Variants in TMTC1 observed in about 807,000 individuals in gnomAD.
The protein encoded by TMTC1 is protein O-mannosyl-transferase TMTC1.
In TMTC1, 73 loss-of-function variants were observed where a neutral mutation model predicts 104.8. The observed-to-expected ratio is 0.70, with a 90% CI of 0.58 to 0.85. The LOEUF is 0.85. Among genes scored for constraint, TMTC1 ranks in the 40% least tolerant of loss-of-function variants. The probability of loss-of-function intolerance (pLI) is 0.00; values close to 1 mark genes in which losing one functional copy is unlikely to be tolerated. For missense variants in TMTC1, 1,035 were observed against 1,096.1 expected (o/e 0.94, Z 0.79); for synonymous variants, 434 against 428.7 (o/e 1.01, Z -0.15).
chr12:29,664,626 G>A (rs1164673704), intron 5 of TMTC1, among the ~76,000 whole-genome samples: 1 of 152,182 alleles, frequency 6.6e-6, no homozygotes, highest in Non-Finnish European at 1.5e-5. Flanking sequence ...ACTAATCTAA[G>A]TGATTTGAGT....
intron 5 of TMTC1, among the ~76,000 whole-genome samples, chr12:29,679,170 A>G (rs1940830295): frequency 6.6e-6 from 1 of 152,172 alleles, no homozygotes. Flanking sequence ...TATATTACTA[A>G]CAAAAAATAA....
chr12:29,685,931 A>T (rs1591924246), intron 5 of TMTC1, among the ~76,000 whole-genome samples: 2 of 81,354 alleles, frequency 2.5e-5, no homozygotes, highest in African/African-American at 5.3e-5. Flanking sequence ...CAAGATTGTT[A>T]AAAAAAAAAA....
Position 29,691,752 on chromosome 12 carries a change from A to G in TMTC1, c.939-58416T>C, listed in dbSNP as rs986087081. On this transcript the variant is annotated intron_variant, in intron 5 of 17. Transcript: ENST00000539277. ...AAAAAAAAAAAACCTACTTCCCACA[A>G]TGGTGTACTGGAGGTCTGAGAGAGG... Among the ~76,000 whole-genome samples the G allele has an allele frequency of 3.5e-5, 5 of 143,074 alleles. 1 individual carries two copies. Among genetic ancestry groups the G allele is most frequent in the African/African-American group, 1.0e-4 (4 of 38,868 alleles). 93.9% of individuals were successfully genotyped at this position (143,074 alleles called of 152,430 possible).
intron 5 of TMTC1, among the ~76,000 whole-genome samples, chr12:29,717,172 A>G (rs1462577593): frequency 1.3e-5 from 2 of 152,222 alleles, no homozygotes; most frequent in East Asian, 3.8e-4. Flanking sequence ...TTTATATTAA[A>G]TTATCAACAT....
intron 7 of TMTC1, among the ~76,000 whole-genome samples, chr12:29,585,051 C>G (rs1224623999): frequency 6.7e-6 from 1 of 149,552 alleles, no homozygotes; most frequent in Non-Finnish European, 1.5e-5. Flanking sequence ...TTTACAGTCC[C>G]ACCAACAGTG....
intron 5 of TMTC1, among the ~76,000 whole-genome samples, chr12:29,750,062 TACAC>T (rs34859060): frequency 0.052 from 7,680 of 146,586 alleles, 174 homozygotes; most frequent in Middle Eastern, 0.13. Context: ...TAACTGTCTA[TACAC>T]ACACACACAC....
chr12:29,776,593 C>T (rs1254575715), intron 1 of TMTC1, among the ~76,000 whole-genome samples: 1 of 152,170 alleles, frequency 6.6e-6, no homozygotes, highest in African/African-American at 2.4e-5. Context: ...AATATTCCTT[C>T]TTTCAATGAT....
At chr12:29,540,257 A>T (rs961683126) in intron 10 of TMTC1, among the ~76,000 whole-genome samples, 1 of 152,192 alleles carries the variant, frequency 6.6e-6, no homozygotes, top group Non-Finnish European at 1.5e-5. Flanking sequence ...ATATTTCACA[A>T]TAGTTGTTTC....
Position 29,672,862 on chromosome 12 carries a change from G to A in TMTC1, c.939-39526C>T, listed in dbSNP as rs996792611. The stretch of plus-strand genomic sequence containing the variant: ...AGTAAAGTAGGTGGCCTCATAAAAC[G>A]CAACACCCGTTATAAGGAGGTAAAC... On this transcript the variant is annotated intron_variant, in intron 5 of 17. Transcript: ENST00000539277. Among the ~76,000 whole-genome samples, 11 of 152,214 alleles carry A rather than the reference G, an allele frequency of 7.2e-5. No homozygotes were observed. In the East Asian group the frequency reaches 1.2e-3, roughly 16 times the overall value.
intron 9 of TMTC1, among the ~76,000 whole-genome samples, chr12:29,565,706 G>T (rs1945492922): frequency 6.6e-6 from 1 of 152,164 alleles, no homozygotes; most frequent in South Asian, 2.1e-4. Context: ...AATTAGCCAG[G>T]TGTGGTGGCA....
chr12:29,651,390 T>A (rs2136600921), intron 5 of TMTC1, among the ~76,000 whole-genome samples: 1 of 152,290 alleles, frequency 6.6e-6, no homozygotes, highest in African/African-American at 2.4e-5. Flanking sequence ...GGAATAAGAT[T>A]AAGCATAGTT....
chr12:29,555,074 T>C (rs1302844322), intron 10 of TMTC1, among the ~76,000 whole-genome samples: 5 of 151,684 alleles, frequency 3.3e-5, no homozygotes, highest in Admixed American at 6.6e-5. Context: ...TTTACATCAA[T>C]TGATTTTATA....
intron 5 of TMTC1, among the ~76,000 whole-genome samples, chr12:29,704,491 G>A (rs1024243923): frequency 2.6e-5 from 4 of 152,232 alleles, no homozygotes; most frequent in African/African-American, 9.6e-5. Flanking sequence ...ACAGCTCACA[G>A]AGATGGTACA....
At position 29,506,022 on chromosome 12, in the gene TMTC1, T is replaced by G. The variant is rs796819379; in HGVS notation, c.*824A>C. ...TAATTTTTTATGTAGAATATACTAT[T>G]TTTTTCTCCACCAAAATAACAATAT... On this transcript the variant is annotated 3_prime_UTR_variant, in exon 18 of 18. Transcript: ENST00000539277. 1.5e-4 allele frequency: 23 copies of G among 152,278 alleles called. No homozygotes were observed. Among genetic ancestry groups the G allele is most frequent in the African/African-American group, 5.3e-4 (22 of 41,578 alleles). The allele number at this position is 152,278 out of a possible 1,614,324, so 9.4% of individuals were successfully genotyped here.
rs1555174500 is a variant in TMTC1 at position 29,600,009 on chromosome 12, T to TATATATATATATA, written c.1250+4168_1250+4169insTATATATATATAT. Among the ~76,000 whole-genome samples the TATATATATATATA allele has an allele frequency of 9.4e-3, 674 of 71,688 alleles. 16 individuals carry two copies. The highest frequency in any genetic ancestry group is 0.024 in the African/African-American group (626 of 26,226). 47.0% of individuals were successfully genotyped at this position (71,688 alleles called of 152,430 possible). ...GTGTATATACATATATATATATATATTTTTTTTTTTTTTTCCCTCAAAAGA... is the reference window on the plus strand; with the variant it reads ...GTGTATATACATATATATATATATATATATATATATATATTTTTTTTTTTTTTCCCTCAAAAGA... On this transcript the variant is annotated intron_variant, in intron 7 of 17. Coordinates refer to ENST00000539277, the MANE Select transcript of TMTC1 (RefSeq NM_001193451.2).
intron 5 of TMTC1, among the ~76,000 whole-genome samples, chr12:29,643,370 T>C (rs948061713): frequency 8.4e-6 from 1 of 119,116 alleles, no homozygotes; most frequent in Non-Finnish European, 1.8e-5. Flanking sequence ...CAATTCACAA[T>C]AGCACAATGC....
intron 10 of TMTC1, among the ~76,000 whole-genome samples, chr12:29,547,499 G>A (rs546814478): frequency 2.0e-5 from 3 of 152,136 alleles, no homozygotes; most frequent in African/African-American, 7.2e-5. Context: ...AGACATTCTC[G>A]TTATTTCCCA....
chr12:29,616,788 A>G (rs1445759765), intron 6 of TMTC1, among the ~76,000 whole-genome samples: 1 of 151,990 alleles, frequency 6.6e-6, no homozygotes, highest in Non-Finnish European at 1.5e-5. Context: ...TTGTTAAGCC[A>G]TCTATCTGCA....
intron 11 of TMTC1, among the ~76,000 whole-genome samples, chr12:29,526,256 A>G (rs1415767717): frequency 1.3e-5 from 2 of 152,192 alleles, no homozygotes; most frequent in African/African-American, 4.8e-5. Flanking sequence ...TTTAACAATG[A>G]AAGCTTGAAG....
Sources: gnomAD v4.1 joint callset for allele counts (sites outside exome capture counted in the v4.1 genomes callset) on GRCh38, gnomAD v4.1.1 for gene constraint, MANE v1.5 for transcripts, NCBI Gene and HGNC (gene_info 2026-07-23, HGNC 2026-07-21) for gene names.